The following COL21A1 variants were observed in gnomAD, a reference collection of about 807,000 sequenced individuals.
COL21A1 encodes the protein collagen alpha-1(XXI) chain.
In COL21A1, 149 loss-of-function variants were observed where a neutral mutation model predicts 137.9. The observed-to-expected ratio is 1.08, with a 90% CI of 0.95 to 1.24. The LOEUF (loss-of-function observed/expected upper bound fraction) is 1.24, where lower values mean the gene tolerates loss of function less well. COL21A1 is among the 50% of genes most tolerant of loss of function. The pLI, the probability that COL21A1 is intolerant of heterozygous loss-of-function variation, is 0.00. For missense variants in COL21A1, 1,167 were observed against 1,158.4 expected, an observed-to-expected ratio of 1.01 and a Z score of -0.11; for synonymous variants, 456 against 391.5, an observed-to-expected ratio of 1.16 and a Z score of -1.95.
intron 16 of COL21A1, among the ~76,000 whole-genome samples, chr6:56,113,930 C>T (rs1429233231): frequency 6.6e-6 from 1 of 152,170 alleles, no homozygotes; most frequent in African/African-American, 2.4e-5. Flanking sequence ...TCTGGCAGTA[C>T]TCCTCATGGC....
intron 1 of COL21A1, among the ~76,000 whole-genome samples, chr6:56,393,113 A>ATAG (rs1263690385): frequency 1.3e-5 from 2 of 152,262 alleles, no homozygotes; most frequent in East Asian, 3.9e-4. Flanking sequence ...CCACAGAGCT[A>ATAG]TAGTAACCAA....
At chr6:56,290,425 T>A (rs1764011471) in intron 1 of COL21A1, among the ~76,000 whole-genome samples, 1 of 151,670 alleles carries the variant, frequency 6.6e-6, no homozygotes, top group Admixed American at 6.6e-5. Flanking sequence ...AGGACAAATT[T>A]GCCCCCAGAT....
rs1244859087 is a variant in COL21A1 at position 56,240,789 on chromosome 6, C to T, written c.-39+6598G>A. On this transcript the variant is annotated intron_variant, in intron 1 of 29. Coordinates refer to ENST00000244728, the MANE Select transcript of COL21A1 (RefSeq NM_030820.4). ...GGCAGGCTGGATGAGAAGCCATTTCCCAGCCCAGGGTCTTCTTGGCCTTTA... is the reference window on the plus strand; with the variant it reads ...GGCAGGCTGGATGAGAAGCCATTTCTCAGCCCAGGGTCTTCTTGGCCTTTA... Among the ~76,000 whole-genome samples the T allele has an allele frequency of 4.6e-5, 7 of 152,284 alleles. No individual in the cohort carries two copies. The East Asian group carries it at 1.4e-3, about 29-fold the overall frequency.
chr6:56,173,754 A>G (rs959354835), intron 3 of COL21A1, among the ~76,000 whole-genome samples: 11 of 152,158 alleles, frequency 7.2e-5, no homozygotes, highest in South Asian at 2.1e-4. Context: ...AAACACAATA[A>G]TAGTAGAGGA....
At chr6:56,239,414 G>A (rs1195364286) in intron 1 of COL21A1, among the ~76,000 whole-genome samples, 3 of 151,934 alleles carry the variant, frequency 2.0e-5, no homozygotes, top group African/African-American at 7.3e-5. Context: ...ATACACATGA[G>A]AAAACAAAGA....
At chr6:56,287,420 A>G (rs550762943) in intron 1 of COL21A1, among the ~76,000 whole-genome samples, 1 of 152,272 alleles carries the variant, frequency 6.6e-6, no homozygotes, top group Non-Finnish European at 1.5e-5. Context: ...GGGGCCCAAT[A>G]GGAGGTGACT....
chr6:56,103,708 T>G (rs1159080007), intron 16 of COL21A1, among the ~76,000 whole-genome samples: 1 of 152,174 alleles, frequency 6.6e-6, no homozygotes, highest in Non-Finnish European at 1.5e-5. Context: ...TACTTTATAT[T>G]AGACACTTAA....
At chr6:56,164,968 T>C (rs1224708545) in intron 7 of COL21A1, 146 bp from the exon 8 acceptor site, 2 of 593,758 alleles carry the variant, frequency 3.4e-6, no homozygotes, top group East Asian at 3.0e-5. Flanking sequence ...CCTGCATTTA[T>C]CCTAAAAAGT....
In COL21A1 at chr6:56,242,185, A is replaced by G. The variant is rs1453866305; in HGVS notation, c.-39+5202T>C. Among the ~76,000 whole-genome samples, 4 of 152,194 alleles carry G rather than the reference A, an allele frequency of 2.6e-5. No individual in the cohort carries two copies. In the South Asian group the frequency reaches 8.3e-4, roughly 32 times the overall value. On this transcript the variant is annotated intron_variant, in intron 1 of 29. Coordinates refer to ENST00000244728, the MANE Select transcript of COL21A1 (RefSeq NM_030820.4). Reference sequence around the variant, plus strand: ...AAAGTTGCAAAATACGTATACAACAAGGTCTAAAAATGTTAAAGTATATTA... The same window carrying G: ...AAAGTTGCAAAATACGTATACAACAGGGTCTAAAAATGTTAAAGTATATTA...
chr6:56,181,056 G>T (rs1031940962), intron 2 of COL21A1, among the ~76,000 whole-genome samples: 4 of 152,152 alleles, frequency 2.6e-5, no homozygotes, highest in Non-Finnish European at 5.9e-5. Flanking sequence ...CCACAGTTAG[G>T]TTGCCATCCC....
chr6:56,115,372 C>A (rs1271742668), intron 16 of COL21A1, among the ~76,000 whole-genome samples: 2 of 151,944 alleles, frequency 1.3e-5, no homozygotes, highest in African/African-American at 4.8e-5. Flanking sequence ...GAAAAAGAAT[C>A]TCTGCCTGGT....
At chr6:56,214,013 T>C (rs12199742) in intron 1 of COL21A1, among the ~76,000 whole-genome samples, 97,339 of 151,920 alleles carry the variant, frequency 0.64, 31,536 homozygotes, top group East Asian at 0.86. Context: ...AAAGATTTTA[T>C]GCTATAGCCA....
rs751181559 is a variant in COL21A1 at position 56,060,145 on chromosome 6, C to T, written c.2481G>A (p.Pro827=). 44 of 1,611,402 alleles carry T rather than the reference C, an allele frequency of 2.7e-5. 1 individual carries two copies. The highest frequency in any genetic ancestry group is 2.2e-4 in the Admixed American group (13 of 59,286). ...CDHCLSQHGS[P]GIPGPPGPIG... is the part of the protein sequence containing the mutation. Reference sequence around the variant, plus strand: ...TCGGACCAGGTGGCCCAGGAATACCCGGGGAGCCATGTTGGGACAGGCAAT... The same window carrying T: ...TCGGACCAGGTGGCCCAGGAATACCTGGGGAGCCATGTTGGGACAGGCAAT... The change falls in exon 28 of 30, where the codon CCG becomes CCA. Residue 827 remains proline (P), a synonymous_variant. Coordinates refer to ENST00000244728, the MANE Select transcript of COL21A1 (RefSeq NM_030820.4).
chr6:56,295,246 C>G (rs1764137164), intron 1 of COL21A1, among the ~76,000 whole-genome samples: 1 of 151,878 alleles, frequency 6.6e-6, no homozygotes, highest in Non-Finnish European at 1.5e-5. Flanking sequence ...CGTCAAAGAT[C>G]AGTTGACTAC....
intron 1 of COL21A1, among the ~76,000 whole-genome samples, chr6:56,229,217 C>CA (rs1014815813): frequency 1.3e-5 from 2 of 151,166 alleles, no homozygotes; most frequent in Non-Finnish European, 3.0e-5. Flanking sequence ...CCTGTCTCTA[C>CA]AAAAAAAAAT....
intron 17 of COL21A1, among the ~76,000 whole-genome samples, chr6:56,092,313 G>A (rs1452906110): frequency 2.0e-5 from 3 of 152,072 alleles, no homozygotes; most frequent in Non-Finnish European, 4.4e-5. Flanking sequence ...CGAAGTAATT[G>A]AAACATAATT....
At chr6:56,125,695 T>C in intron 13 of COL21A1, 75 bp from the exon 14 acceptor site, 1 of 1,000,730 alleles carries the variant, frequency 1.0e-6, no homozygotes, top group Non-Finnish European at 1.4e-6. Flanking sequence ...ATACAGATTA[T>C]AAGCAAAAGA....
At chr6:56,142,599 G>A (rs2152238273) in intron 10 of COL21A1, among the ~76,000 whole-genome samples, 1 of 152,230 alleles carries the variant, frequency 6.6e-6, no homozygotes, top group African/African-American at 2.4e-5. Flanking sequence ...CTGGAACTTT[G>A]ATAAAATAGC....
intron 2 of COL21A1, among the ~76,000 whole-genome samples, chr6:56,180,971 T>G (rs1777845944): frequency 6.6e-6 from 1 of 152,246 alleles, no homozygotes; most frequent in East Asian, 1.9e-4. Context: ...AATGTCTTCC[T>G]CTTCACCTGA....
Sources: gnomAD v4.1 joint callset for allele counts (sites outside exome capture counted in the v4.1 genomes callset) on GRCh38, gnomAD v4.1.1 for gene constraint, MANE v1.5 for transcripts, NCBI Gene and HGNC (gene_info 2026-07-23, HGNC 2026-07-21) for gene names.